The following DOCK1 variants were observed in gnomAD, a reference collection of about 807,000 sequenced individuals.
DOCK1 encodes dedicator of cytokinesis protein 1.
DOCK1 carries 138 observed loss-of-function variants against 262.7 expected under a neutral mutation model. The observed-to-expected ratio is 0.53, with a 90% CI of 0.46 to 0.61. The LOEUF (loss-of-function observed/expected upper bound fraction) is 0.61, where lower values mean the gene tolerates loss of function less well. DOCK1 is among the 20% of genes least tolerant of loss of function. The pLI is 0.00. For missense variants in DOCK1, 1,908 were observed against 2,370.7 expected, an observed-to-expected ratio of 0.80 and a Z score of 4.05; for synonymous variants, 866 against 867.4, an observed-to-expected ratio of 1.00 and a Z score of 0.03.
intron 23 of DOCK1, among the ~76,000 whole-genome samples, chr10:127,081,449 G>A (rs1030307176): frequency 7.3e-5 from 11 of 150,708 alleles, no homozygotes; most frequent in African/African-American, 2.4e-4. Context: ...TGCTTCTGTT[G>A]TTCTCAAGTT....
chr10:127,104,272 TG>T (rs2048409531), intron 23 of DOCK1, among the ~76,000 whole-genome samples: 1 of 152,272 alleles, frequency 6.6e-6, no homozygotes, highest in Non-Finnish European at 1.5e-5. Context: ...TTCTTTATTT[TG>T]ATGAAGTCCA....
intron 26 of DOCK1, among the ~76,000 whole-genome samples, chr10:127,126,042 C>T (rs2049933129): frequency 6.6e-6 from 1 of 151,524 alleles, no homozygotes; most frequent in Non-Finnish European, 1.5e-5. Flanking sequence ...CTCAGGCTCT[C>T]TTCCCCTAGG....
chr10:127,202,376 G>C (rs2057508766), intron 27 of DOCK1, among the ~76,000 whole-genome samples: 1 of 151,906 alleles, frequency 6.6e-6, no homozygotes, highest in Non-Finnish European at 1.5e-5. Flanking sequence ...TTTCACACTT[G>C]AGTTTCCACC....
chr10:127,038,557 A>C (rs2043811924), intron 19 of DOCK1, among the ~76,000 whole-genome samples: 1 of 152,086 alleles, frequency 6.6e-6, no homozygotes, highest in Non-Finnish European at 1.5e-5. Flanking sequence ...AGACTCCCTG[A>C]GATCCCCTTT....
chr10:127,106,215 G>A lies in DOCK1; in HGVS notation c.2446-16G>A, dbSNP rs769118655. ...AACCTGCATGCTGCTCAGCCTTCTTGTTTCTTGATTTGCAGGGGGCAGCAC... is the reference window on the plus strand; with the variant it reads ...AACCTGCATGCTGCTCAGCCTTCTTATTTCTTGATTTGCAGGGGGCAGCAC... On this transcript the variant is annotated splice_polypyrimidine_tract_variant and intron_variant, in intron 23 of 51. Transcript: ENST00000623213. 5.1e-6 allele frequency: 8 copies of A among 1,575,012 alleles called. No homozygotes were observed. Among genetic ancestry groups the A allele is most frequent in the Middle Eastern group, 1.7e-4 (1 of 6,044 alleles).
chr10:126,934,295 A>G (rs2034395192), intron 1 of DOCK1, among the ~76,000 whole-genome samples: 1 of 152,202 alleles, frequency 6.6e-6, no homozygotes, highest in Non-Finnish European at 1.5e-5. Context: ...TGCTTCTGAG[A>G]AAGGGGCACC....
rs77289763 is a variant in DOCK1, at chr10:127,347,536, A to G, written c.3224+3790A>G. Among the ~76,000 whole-genome samples, 12 of 152,100 alleles carry G rather than the reference A, an allele frequency of 7.9e-5. No homozygotes were observed. In the East Asian group the frequency reaches 2.3e-3, roughly 30 times the overall value. ...GCGCCATCTACATATGAGCAGAGAC[A>G]TGATCTGGGTTGTCGAAGTGTAAGG... On this transcript the variant is annotated intron_variant, in intron 31 of 51. Coordinates refer to ENST00000623213, the MANE Select transcript of DOCK1 (RefSeq NM_001290223.2).
At chr10:127,282,882 A>T (rs2061012466) in intron 29 of DOCK1, among the ~76,000 whole-genome samples, 1 of 152,254 alleles carries the variant, frequency 6.6e-6, no homozygotes, top group Admixed American at 6.5e-5. Context: ...GATAGTGGGG[A>T]GCTGCCAGAG....
chr10:127,280,035 A>ATATAAT (rs2060894873), intron 29 of DOCK1, among the ~76,000 whole-genome samples: 3 of 59,788 alleles, frequency 5.0e-5, no homozygotes, highest in African/African-American at 1.5e-4. Context: ...TATATATATA[A>ATATAAT]TTTTTTTTTT....
chr10:127,194,853 G>A (rs565408332), intron 27 of DOCK1, among the ~76,000 whole-genome samples: 1 of 152,274 alleles, frequency 6.6e-6, no homozygotes, highest in South Asian at 2.1e-4. Context: ...TTTCACCTCG[G>A]GATGCTTCCG....
intron 1 of DOCK1, among the ~76,000 whole-genome samples, chr10:126,948,505 G>T (rs2035815249): frequency 6.6e-6 from 1 of 151,860 alleles, no homozygotes; most frequent in Admixed American, 6.6e-5. Context: ...TGGTAATACT[G>T]TCCAGCCGGG....
chr10:127,263,666 T>A (rs1353259695), intron 29 of DOCK1, among the ~76,000 whole-genome samples: 2 of 152,220 alleles, frequency 1.3e-5, no homozygotes, highest in Non-Finnish European at 2.9e-5. Context: ...GCACAGACCT[T>A]TCCCTGTTGG....
intron 27 of DOCK1, among the ~76,000 whole-genome samples, chr10:127,160,736 A>G (rs568434009): frequency 5.0e-4 from 76 of 152,350 alleles, no homozygotes; most frequent in Admixed American, 4.9e-3. Flanking sequence ...TGTTGCAGAT[A>G]TAAAAAAGGC....
intron 29 of DOCK1, among the ~76,000 whole-genome samples, chr10:127,278,274 A>G (rs188025237): frequency 1.3e-5 from 2 of 152,218 alleles, no homozygotes; most frequent in Non-Finnish European, 2.9e-5. Flanking sequence ...CATTGTGTAG[A>G]TCTTTCCCCA....
At chr10:127,364,485 GCCT>G (rs2064786328) in intron 33 of DOCK1, among the ~76,000 whole-genome samples, 6 of 152,284 alleles carry the variant, frequency 3.9e-5, no homozygotes, top group Non-Finnish European at 7.3e-5. Context: ...TCCTGCCTCA[GCCT>G]CTGAGTAGCT....
In DOCK1 at chr10:127,257,335, G is replaced by T. The variant is rs771319631; in HGVS notation, c.2950G>T (p.Asp984Tyr). 1 of 1,584,580 alleles carries T rather than the reference G, an allele frequency of 6.3e-7. No individual in the cohort carries two copies. Among genetic ancestry groups the T allele is most frequent in the South Asian group, 1.2e-5 (1 of 86,660 alleles). Residue 984 changes from aspartate (D) to tyrosine (Y), a missense_variant and splice_region_variant, in exon 29 of 52, where the codon GAT becomes TAT. Physicochemically the swap from Asp to Tyr is radical, Grantham distance 160. Coordinates refer to ENST00000623213, the MANE Select transcript of DOCK1 (RefSeq NM_001290223.2). ...TFGKMRTDVV[D>Y]FLMETFIMFK... ...TCAGTGTTTTGTTTTTTTATTTCAGGATTTCCTAATGGAAACATTCATCAT... is the reference window on the plus strand; with the variant it reads ...TCAGTGTTTTGTTTTTTTATTTCAGTATTTCCTAATGGAAACATTCATCAT...
chr10:127,423,141 A>G (rs1388668995), intron 46 of DOCK1, among the ~76,000 whole-genome samples: 2 of 152,168 alleles, frequency 1.3e-5, no homozygotes, highest in African/African-American at 4.8e-5. Flanking sequence ...GTATCTTGGT[A>G]TTGGCAACTG....
At chr10:127,214,966 C>T (rs79157510) in intron 27 of DOCK1, among the ~76,000 whole-genome samples, 17 of 152,206 alleles carry the variant, frequency 1.1e-4, no homozygotes, top group Middle Eastern at 3.4e-3. Context: ...CCTGGTCACC[C>T]GCTCCTTTCC....
chr10:127,392,997 C>A (rs932196301), intron 38 of DOCK1, among the ~76,000 whole-genome samples: 2 of 152,132 alleles, frequency 1.3e-5, no homozygotes, highest in Non-Finnish European at 1.5e-5. Flanking sequence ...TATTAAGTGA[C>A]CGAACGGGCA....
Sources: gnomAD v4.1 joint callset for allele counts (sites outside exome capture counted in the v4.1 genomes callset) on GRCh38, gnomAD v4.1.1 for gene constraint, MANE v1.5 for transcripts, NCBI Gene and HGNC (gene_info 2026-07-23, HGNC 2026-07-21) for gene names.